PTPRR: variants seen among roughly 807,000 people sequenced by gnomAD.
The protein encoded by PTPRR is protein tyrosine phosphatase receptor type R.
In PTPRR, 38 loss-of-function variants were observed where a neutral mutation model predicts 77.2. The ratio of observed to expected loss-of-function variants is 0.49; its 90% CI spans 0.38 to 0.65. The LOEUF (loss-of-function observed/expected upper bound fraction) is 0.65, where lower values mean the gene tolerates loss of function less well. Ranked by LOEUF, PTPRR falls within the 30% of genes least tolerant of loss-of-function variation. PTPRR has a pLI of 0.00. For synonymous variants in PTPRR, 299 were observed against 283.1 expected (o/e 1.06, Z -0.57); for missense variants, 744 against 799.2 (o/e 0.93, Z 0.83).
intron 8 of PTPRR, among the ~76,000 whole-genome samples, chr12:70,695,935 G>T (rs1018578557): frequency 1.3e-5 from 2 of 152,136 alleles, no homozygotes; most frequent in Middle Eastern, 3.2e-3. Flanking sequence ...GAAGGCCAAA[G>T]ATAGTATTAA....
intron 6 of PTPRR, among the ~76,000 whole-genome samples, chr12:70,726,761 A>T (rs962091529): frequency 6.6e-6 from 1 of 151,918 alleles, no homozygotes; most frequent in Non-Finnish European, 1.5e-5. Flanking sequence ...TTGTATTTTT[A>T]GTAGAGATGA....
At chr12:70,703,639 T>C (rs188300875) in intron 6 of PTPRR, among the ~76,000 whole-genome samples, 86 of 152,306 alleles carry the variant, frequency 5.6e-4, no homozygotes, top group African/African-American at 2.0e-3. Flanking sequence ...AGTTTGCCGA[T>C]TGGTCTTAAT....
rs1888283086 is a variant in PTPRR, at chr12:70,697,849, T to C, written c.1279+416A>G. ...ACAAAAATCAGGTAGCCATAATGTG[T>C]GGCACAACAAAATTTTAGAATATGT... On this transcript the variant is annotated intron_variant, in intron 8 of 13. Transcript: ENST00000283228. Among the ~76,000 whole-genome samples the C allele has an allele frequency of 2.6e-5, 4 of 152,156 alleles. No homozygotes were observed. The South Asian group carries it at 8.3e-4, about 31-fold the overall frequency.
At chr12:70,737,487 TATCTATCTATCTATC>T (rs921418304) in intron 6 of PTPRR, among the ~76,000 whole-genome samples, 2 of 22,026 alleles carry the variant, frequency 9.1e-5, no homozygotes, top group African/African-American at 3.7e-4. Flanking sequence ...ATTTAATGAA[TATCTATCTATCTATC>T]TATCTATCTA....
At chr12:70,662,350 TG>T (rs1187246404) in intron 11 of PTPRR, 144 bp downstream of exon 11, 1 of 508,328 alleles carries the variant, frequency 2.0e-6, no homozygotes, top group Non-Finnish European at 3.4e-6. Flanking sequence ...AAAAAATACA[TG>T]AGGGAATGAT....
chr12:70,779,039 G>A (rs1891147863), intron 2 of PTPRR, among the ~76,000 whole-genome samples: 1 of 152,068 alleles, frequency 6.6e-6, no homozygotes, highest in African/African-American at 2.4e-5. Flanking sequence ...GTAGAGACAG[G>A]GTTTCAACCA....
chr12:70,692,588 C>T (rs540697079), intron 8 of PTPRR, among the ~76,000 whole-genome samples: 10 of 152,250 alleles, frequency 6.6e-5, no homozygotes, highest in South Asian at 6.2e-4. Flanking sequence ...TGCTTTCCCA[C>T]GTGTATCATA....
intron 5 of PTPRR, among the ~76,000 whole-genome samples, chr12:70,751,829 G>A (rs1890409579): frequency 6.6e-6 from 1 of 152,094 alleles, no homozygotes; most frequent in African/African-American, 2.4e-5. Flanking sequence ...TGCAACTGAT[G>A]AACCAATATT....
intron 1 of PTPRR, 37 bp downstream of exon 1, chr12:70,920,296 A>G: frequency 6.3e-7 from 1 of 1,595,088 alleles, no homozygotes; most frequent in African/African-American, 1.3e-5. Flanking sequence ...TTCCCATCTC[A>G]TGCACAGCTC....
At chr12:70,858,054 T>C (rs577463666) in intron 2 of PTPRR, among the ~76,000 whole-genome samples, 1 of 152,236 alleles carries the variant, frequency 6.6e-6, no homozygotes, top group East Asian at 1.9e-4. Flanking sequence ...AGCCAATGAC[T>C]GAGTAGATCA....
At chr12:70,845,662 C>A (rs953069514) in intron 2 of PTPRR, among the ~76,000 whole-genome samples, 5 of 152,062 alleles carry the variant, frequency 3.3e-5, no homozygotes, top group Admixed American at 2.6e-4. Context: ...AATCTTAAGT[C>A]TTCATTGGAT....
chr12:70,761,698 T>C, intron 3 of PTPRR, 72 bp from the exon 4 acceptor site: 1 of 1,187,996 alleles, frequency 8.4e-7, no homozygotes, highest in Non-Finnish European at 1.1e-6. Flanking sequence ...TTACCTGTCC[T>C]TTAGAAACAT....
intron 5 of PTPRR, among the ~76,000 whole-genome samples, chr12:70,749,500 A>G (rs763099744): frequency 6.6e-6 from 1 of 152,218 alleles, no homozygotes; most frequent in Non-Finnish European, 1.5e-5. Context: ...ATTCTTCTTA[A>G]TACAGAAAAA....
At chr12:70,912,624 C>T (rs1893716171) in intron 1 of PTPRR, among the ~76,000 whole-genome samples, 2 of 152,076 alleles carry the variant, frequency 1.3e-5, no homozygotes, top group Admixed American at 1.3e-4. Context: ...TAATGGACAT[C>T]AACATCTTAA....
intron 12 of PTPRR, among the ~76,000 whole-genome samples, chr12:70,659,955 C>T (rs980421892): frequency 3.7e-5 from 5 of 133,944 alleles, no homozygotes; most frequent in African/African-American, 1.1e-4. Context: ...AGGTGGATCA[C>T]GTTTGAAGTC....
At chr12:70,896,462 G>T (rs919415688) in intron 1 of PTPRR, among the ~76,000 whole-genome samples, 1 of 151,492 alleles carries the variant, frequency 6.6e-6, no homozygotes, top group African/African-American at 2.4e-5. Context: ...TATTCATCTA[G>T]ACAGATCATA....
At chr12:70,872,283 G>A (rs1030651642) in intron 2 of PTPRR, among the ~76,000 whole-genome samples, 2 of 152,060 alleles carry the variant, frequency 1.3e-5, no homozygotes, top group Non-Finnish European at 2.9e-5. Context: ...CAGGGTTATT[G>A]AGCATGTGGA....
chr12:70,813,003 G>T (rs1431390592), intron 2 of PTPRR, among the ~76,000 whole-genome samples: 1 of 152,138 alleles, frequency 6.6e-6, no homozygotes, highest in Non-Finnish European at 1.5e-5. Context: ...CTGAGAGAAA[G>T]AATTTTAGAA....
At chr12:70,650,457 A>G (rs953911617) in intron 13 of PTPRR, among the ~76,000 whole-genome samples, 79 of 151,854 alleles carry the variant, frequency 5.2e-4, no homozygotes, top group African/African-American at 1.8e-3. Context: ...AACAAAATAT[A>G]TATATATATA....
Sources: allele counts gnomAD v4.1 joint callset (sites outside exome capture counted in the v4.1 genomes callset), GRCh38; gene constraint gnomAD v4.1.1; transcripts MANE v1.5; gene names NCBI Gene and HGNC (gene_info 2026-07-23, HGNC 2026-07-21).